Variants in TBCD observed in about 807,000 individuals in gnomAD.
The protein encoded by TBCD is tubulin folding cofactor D, also known as tubulin-specific chaperone D.
Under a neutral mutation model 169.3 loss-of-function variants are expected in TBCD, and 105 were observed. The observed-to-expected ratio is 0.62, with a 90% CI of 0.53 to 0.73. TBCD has a LOEUF of 0.73. Ranked by LOEUF, TBCD falls within the 30% of genes least tolerant of loss-of-function variation. TBCD has a pLI of 0.00. For synonymous variants in TBCD, 700 were observed against 643.9 expected (o/e 1.09, Z -1.32); for missense variants, 1,444 against 1,600.1 (o/e 0.90, Z 1.66).
At chr17:82,870,456 G>C (rs2057478053) in intron 14 of TBCD, 76 bp downstream of exon 14, 1 of 1,535,346 alleles carries the variant, frequency 6.5e-7, no homozygotes, top group Middle Eastern at 1.7e-4. Context: ...TCCATGAGAG[G>C]TGTGCACAGC....
intron 11 of TBCD, among the ~76,000 whole-genome samples, chr17:82,808,179 G>A (rs561252719): frequency 1.3e-5 from 2 of 152,278 alleles, no homozygotes; most frequent in African/African-American, 4.8e-5. Flanking sequence ...AACAGGTGGA[G>A]CCCTGGCCTG....
chr17:82,764,798 C>A (rs1335555346), intron 3 of TBCD, among the ~76,000 whole-genome samples: 8 of 135,776 alleles, frequency 5.9e-5, no homozygotes, highest in Admixed American at 3.7e-4. Context: ...GCTTTTCTTA[C>A]AAGCTTGCGG....
At position 82,937,389 on chromosome 17, in the gene TBCD, C is replaced by T. The variant is rs201223487; in HGVS notation, c.3281+29C>T. The T allele has an allele frequency of 4.2e-5, 68 of 1,605,466 alleles. No individual in the cohort carries two copies. In the African/African-American group the frequency reaches 5.6e-4, roughly 13 times the overall value. On this transcript the variant is annotated intron_variant, in intron 35 of 38. Coordinates refer to ENST00000355528, the MANE Select transcript of TBCD (RefSeq NM_005993.5). The stretch of plus-strand genomic sequence containing the variant: ...AGTTTCAAGTGCTGCTGGCCTTAGA[C>T]GGAATGGCAGGGCGCAGCCTCCCTT...
At position 82,884,386 on chromosome 17, in the gene TBCD, C is replaced by T. The variant is rs1160348987; in HGVS notation, c.1533+184C>T. Reference sequence around the variant, plus strand: ...TCTTACTGTCTCTGGGCGTCTTCAGCGTGTGAAGGGCGGTCAGGGTTAAGC... The same window carrying T: ...TCTTACTGTCTCTGGGCGTCTTCAGTGTGTGAAGGGCGGTCAGGGTTAAGC... On this transcript the variant is annotated intron_variant, in intron 15 of 38. Coordinates refer to ENST00000355528, the MANE Select transcript of TBCD (RefSeq NM_005993.5). The surrounding 1 kb of genome is among the most constrained non-coding windows in gnomAD (Gnocchi z 4.2). Among the ~76,000 whole-genome samples the T allele has an allele frequency of 3.3e-5, 5 of 152,280 alleles. No individual in the cohort carries two copies. The highest frequency in any genetic ancestry group is 1.9e-4 in the East Asian group (1 of 5,174).
intron 3 of TBCD, among the ~76,000 whole-genome samples, chr17:82,765,611 G>T (rs1325738831): frequency 2.6e-5 from 4 of 152,216 alleles, no homozygotes; most frequent in African/African-American, 9.6e-5. Flanking sequence ...CCAAGGACAC[G>T]CAGGCCTCTG....
Position 82,782,287 on chromosome 17 carries a change from G to A in TBCD, c.771+566G>A, listed in dbSNP as rs1305360107. On this transcript the variant is annotated intron_variant, in intron 7 of 38. Transcript: ENST00000355528. The surrounding 1 kb of genome is among the most constrained non-coding windows in gnomAD (Gnocchi z 5.1). ...GAGGAGGAAAGGTCAAGTCTCAGAA[G>A]AGGGCAAAGCCTCTTTTGGGTCAGC... Among the ~76,000 whole-genome samples the A allele has an allele frequency of 6.6e-6, 1 of 152,230 alleles. No individual in the cohort carries two copies. Among genetic ancestry groups the A allele is most frequent in the East Asian group, 1.9e-4 (1 of 5,190 alleles).
intron 17 of TBCD, among the ~76,000 whole-genome samples, chr17:82,899,294 T>TGTGTCCTCCGCTCAC (rs1210393042): frequency 2.0e-5 from 3 of 149,584 alleles, no homozygotes; most frequent in African/African-American, 5.0e-5. Context: ...CCTCAGTGCG[T>TGTGTCCTCCGCTCAC]GTGTCCTCCG....
intron 6 of TBCD, among the ~76,000 whole-genome samples, chr17:82,781,135 G>C (rs940543162): frequency 7.9e-5 from 12 of 152,114 alleles, no homozygotes; most frequent in Admixed American, 2.6e-4. Context: ...TGGCAGGTGT[G>C]GGGGAGGGAG....
Position 82,924,992 on chromosome 17 carries a change from C to T in TBCD, c.2314C>T (p.Arg772Cys), listed in dbSNP as rs181969865. 32 of 1,575,806 alleles carry T rather than the reference C, an allele frequency of 2.0e-5. No individual in the cohort carries two copies. Among genetic ancestry groups the T allele is most frequent in the South Asian group, 2.3e-5 (2 of 85,876 alleles). ...AELRNPEEMTRCGFSLALGAL... is the reference protein window; with the variant it reads ...AELRNPEEMTCCGFSLALGAL... ...GCTTCGGAACCCCGAGGAGATGACT[C>T]GCTGTGGCTTCTCGTTGGCCTTGGG... Residue 772 changes from arginine (R) to cysteine (C), a missense_variant, in exon 27 of 39, where the codon CGC becomes TGC. Arg to Cys is a radical substitution (Grantham distance 180). Transcript: ENST00000355528.
intron 12 of TBCD, among the ~76,000 whole-genome samples, chr17:82,813,251 C>T (rs1019289386): frequency 3.9e-5 from 6 of 152,142 alleles, no homozygotes; most frequent in Admixed American, 6.6e-5. Flanking sequence ...CGTGTACCTG[C>T]GACACTCTTT....
chr17:82,768,279 T>A (rs1295254353), intron 4 of TBCD, 141 bp from the exon 5 acceptor site: 1 of 1,010,358 alleles, frequency 9.9e-7, no homozygotes, highest in African/African-American at 1.6e-5. Context: ...CGGCTTGCAT[T>A]TCTGGCCCTG....
chr17:82,788,972 C>G (rs1420362816), intron 7 of TBCD, among the ~76,000 whole-genome samples: 1 of 152,166 alleles, frequency 6.6e-6, no homozygotes, highest in Non-Finnish European at 1.5e-5. Flanking sequence ...TTTGATTTCT[C>G]TTCAGATTTG....
chr17:82,893,453 A>C, intron 16 of TBCD, 94 bp from the exon 17 acceptor site: 1 of 992,180 alleles, frequency 1.0e-6, no homozygotes, highest in Non-Finnish European at 1.5e-6. Flanking sequence ...GGGGTTCATG[A>C]GTGTAAATGT....
At chr17:82,869,659 G>T (rs1371513539) in intron 13 of TBCD, among the ~76,000 whole-genome samples, 2 of 152,240 alleles carry the variant, frequency 1.3e-5, no homozygotes, top group Non-Finnish European at 2.9e-5. Flanking sequence ...GCCCTGCATG[G>T]GTTATTCTTG....
At chr17:82,939,838 C>T (rs776557496) in intron 37 of TBCD, among the ~76,000 whole-genome samples, 84 of 152,154 alleles carry the variant, frequency 5.5e-4, no homozygotes, top group Non-Finnish European at 2.5e-4. Context: ...TGGAATAGGC[C>T]GTGTGAGCAC....
intron 9 of TBCD, among the ~76,000 whole-genome samples, chr17:82,801,438 G>GCAT (rs2050510624): frequency 1.3e-5 from 2 of 151,798 alleles, no homozygotes; most frequent in African/African-American, 2.4e-5. Flanking sequence ...GGTGGCGTGT[G>GCAT]CGTCGTGTGG....
At position 82,832,918 on chromosome 17, in the gene TBCD, C is replaced by G. The variant is rs2053646451; in HGVS notation, c.1318+17984C>G. Among the ~76,000 whole-genome samples the G allele has an allele frequency of 6.6e-6, 1 of 152,196 alleles. No homozygotes were observed. The highest frequency in any genetic ancestry group is 2.4e-5 in the African/African-American group (1 of 41,450). On this transcript the variant is annotated intron_variant, in intron 13 of 38. Coordinates refer to ENST00000355528, the MANE Select transcript of TBCD (RefSeq NM_005993.5). This position sits in a 1 kb window ranked among gnomAD's most constrained non-coding sequence, Gnocchi z 4.9. ...GTGTGGTGTGTGGTGCGTTGAGTGT[C>G]TGTTCTGAGAATGCCTGTAAGCCTT...
intron 13 of TBCD, among the ~76,000 whole-genome samples, chr17:82,858,993 CA>C (rs2056542595): frequency 6.6e-6 from 1 of 152,224 alleles, no homozygotes; most frequent in South Asian, 2.1e-4. Flanking sequence ...GGCTGCGTGG[CA>C]ACCCTGAGTC....
intron 7 of TBCD, among the ~76,000 whole-genome samples, chr17:82,783,273 C>T (rs990585361): frequency 2.6e-5 from 4 of 152,250 alleles, no homozygotes; most frequent in Admixed American, 2.6e-4. Flanking sequence ...AGACGTGTTT[C>T]CTGGAGCCTG....
Sources: gnomAD v4.1 joint callset for allele counts (sites outside exome capture counted in the v4.1 genomes callset) on GRCh38, gnomAD v4.1.1 for gene constraint, Gnocchi (gnomAD v3.1) non-coding constraint, MANE v1.5 for transcripts, NCBI Gene and HGNC (gene_info 2026-07-23, HGNC 2026-07-21) for gene names.